The following PABPC4L variants were observed in gnomAD, a reference collection of about 807,000 sequenced individuals.
PABPC4L encodes polyadenylate-binding protein 4-like.
For synonymous variants in PABPC4L, 169 were observed against 164.1 expected, an observed-to-expected ratio of 1.03 and a Z score of -0.23; for missense variants, 452 against 451.4, an observed-to-expected ratio of 1.00 and a Z score of -0.01.
the PABPC4L span, among the ~76,000 whole-genome samples, chr4:134,019,830 A>C: frequency 6.6e-6 from 1 of 152,112 alleles, no homozygotes; most frequent in Non-Finnish European, 1.5e-5. Context: ...TTACAACCCA[A>C]GATTGATGAA....
chr4:133,986,012 C>A, the PABPC4L span, among the ~76,000 whole-genome samples: 1 of 151,914 alleles, frequency 6.6e-6, no homozygotes, highest in Non-Finnish European at 1.5e-5. Context: ...TTGTACACAT[C>A]GAGAATACTC....
At chr4:134,042,946 T>C in the PABPC4L span, among the ~76,000 whole-genome samples, 1 of 152,152 alleles carries the variant, frequency 6.6e-6, no homozygotes, top group South Asian at 2.1e-4. Flanking sequence ...CCGTGACTCA[T>C]TGACCTCTTT....
downstream of PABPC4L, among the ~76,000 whole-genome samples, chr4:134,192,351 T>G (rs1451165367): frequency 6.6e-6 from 1 of 152,048 alleles, no homozygotes; most frequent in Non-Finnish European, 1.5e-5. Flanking sequence ...AGACACAGAC[T>G]ATATTATTGT....
the PABPC4L span, among the ~76,000 whole-genome samples, chr4:134,132,610 G>A: frequency 6.6e-6 from 1 of 151,832 alleles, no homozygotes; most frequent in Non-Finnish European, 1.5e-5. Context: ...AACCCTACTG[G>A]TGGGAATGTA....
the PABPC4L span, among the ~76,000 whole-genome samples, chr4:134,099,827 T>C: frequency 6.6e-6 from 1 of 151,702 alleles, no homozygotes; most frequent in Admixed American, 6.6e-5. Flanking sequence ...AAGAGTGTTC[T>C]GGGTTGCTGC....
At chr4:133,989,108 T>A in the PABPC4L span, among the ~76,000 whole-genome samples, 70 of 151,958 alleles carry the variant, frequency 4.6e-4, no homozygotes, top group Non-Finnish European at 8.8e-4. Flanking sequence ...ATGAAAGCAT[T>A]TTTTTTCCTC....
At chr4:134,147,019 A>G in the PABPC4L span, among the ~76,000 whole-genome samples, 1 of 152,152 alleles carries the variant, frequency 6.6e-6, no homozygotes, top group East Asian at 1.9e-4. Context: ...GAAACATGTT[A>G]ATCCAATCAG....
At chr4:134,003,885 T>C in the PABPC4L span, among the ~76,000 whole-genome samples, 1 of 151,888 alleles carries the variant, frequency 6.6e-6, no homozygotes, top group Non-Finnish European at 1.5e-5. Context: ...TGTGAAGGTG[T>C]TGAAGCAGAA....
At chr4:134,109,191 A>G in the PABPC4L span, among the ~76,000 whole-genome samples, 16 of 152,026 alleles carry the variant, frequency 1.1e-4, no homozygotes, top group South Asian at 3.1e-3. Flanking sequence ...CTTTAAACAC[A>G]AATTACAATA....
chr4:133,951,560 G>A, the PABPC4L span, among the ~76,000 whole-genome samples: 1 of 152,176 alleles, frequency 6.6e-6, no homozygotes, highest in East Asian at 1.9e-4. Context: ...ACAGGATCAA[G>A]AAGCTTGGAG....
the PABPC4L span, among the ~76,000 whole-genome samples, chr4:134,103,890 G>A: frequency 6.6e-6 from 1 of 151,580 alleles, no homozygotes; most frequent in African/African-American, 2.4e-5. Flanking sequence ...TTTGTCATCA[G>A]GTGCAATTTG....
chr4:134,092,997 T>C, the PABPC4L span, among the ~76,000 whole-genome samples: 1 of 152,070 alleles, frequency 6.6e-6, no homozygotes, highest in Non-Finnish European at 1.5e-5. Context: ...CTCATTTTTA[T>C]AGGTTTTTGA....
At chr4:133,996,422 C>A in the PABPC4L span, among the ~76,000 whole-genome samples, 1 of 152,104 alleles carries the variant, frequency 6.6e-6, no homozygotes, top group Non-Finnish European at 1.5e-5. Flanking sequence ...ATTGAGCCTG[C>A]GAGACGAAGG....
the PABPC4L span, among the ~76,000 whole-genome samples, chr4:134,059,188 T>C: frequency 6.6e-6 from 1 of 151,850 alleles, no homozygotes; most frequent in Admixed American, 6.6e-5. Flanking sequence ...CATGACCTAC[T>C]CCAAAAATGA....
At chr4:134,190,814 G>C in the PABPC4L span, among the ~76,000 whole-genome samples, 1 of 151,976 alleles carries the variant, frequency 6.6e-6, no homozygotes, top group Non-Finnish European at 1.5e-5. Context: ...ACCACGCCTA[G>C]CTGATTTTTA....
chr4:133,958,637 G>A, the PABPC4L span, among the ~76,000 whole-genome samples: 1 of 152,164 alleles, frequency 6.6e-6, no homozygotes, highest in East Asian at 1.9e-4. Context: ...ACTTGGCTGG[G>A]AAGGCCTCAG....
the PABPC4L span, among the ~76,000 whole-genome samples, chr4:133,981,730 C>A: frequency 3.2e-4 from 49 of 151,904 alleles, no homozygotes; most frequent in African/African-American, 1.1e-3. Context: ...AAAATGAACA[C>A]TAATGCCATT....
the PABPC4L span, among the ~76,000 whole-genome samples, chr4:133,997,755 A>G: frequency 6.6e-6 from 1 of 152,198 alleles, no homozygotes. Context: ...GGAAACAACA[A>G]GAGAACTGAA....
chr4:134,126,246 C>G, the PABPC4L span, among the ~76,000 whole-genome samples: 1 of 152,034 alleles, frequency 6.6e-6, no homozygotes, highest in Non-Finnish European at 1.5e-5. Flanking sequence ...TGTGAGAATT[C>G]AACTTGAACT....
Sources: gnomAD v4.1 joint callset for allele counts (sites outside exome capture counted in the v4.1 genomes callset) on GRCh38, gnomAD v4.1.1 for gene constraint, MANE v1.5 for transcripts, NCBI Gene and HGNC (gene_info 2026-07-23, HGNC 2026-07-21) for gene names.